RAD17: variants seen among roughly 807,000 people sequenced by gnomAD.
RAD17 encodes the protein cell cycle checkpoint protein RAD17.
Under a neutral mutation model 81.5 loss-of-function variants are expected in RAD17, and 31 were observed. The observed-to-expected ratio is 0.38, with a 90% CI of 0.29 to 0.51. The LOEUF (loss-of-function observed/expected upper bound fraction) is 0.51. Among genes scored for constraint, RAD17 ranks in the 20% least tolerant of loss-of-function variants. The pLI is 0.88. For synonymous variants in RAD17, 261 were observed against 266.2 expected, an observed-to-expected ratio of 0.98 and a Z score of 0.19; for missense variants, 681 against 781.2, an observed-to-expected ratio of 0.87 and a Z score of 1.53.
Position 69,396,482 on chromosome 5 carries a change from G to A in RAD17, c.1508G>A (p.Cys503Tyr). ...AACAAAGCCCGAGGATATGCTCATTGCCAAGGAGGAGGATCAAGTTTTCGA... is the reference window on the plus strand; with the variant it reads ...AACAAAGCCCGAGGATATGCTCATTACCAAGGAGGAGGATCAAGTTTTCGA... ...HSNKARGYAH[C>Y]QGGGSSFRPL... The change falls in exon 16 of 19, where the codon TGC becomes TAC. Residue 503 changes from cysteine to tyrosine, a missense_variant. Coordinates refer to ENST00000354868, the MANE Select transcript of RAD17 (RefSeq NM_133338.3). 1 of 1,612,650 alleles carries A rather than the reference G, an allele frequency of 6.2e-7. No homozygotes were observed. Among genetic ancestry groups the A allele is most frequent in the Non-Finnish European group, 8.5e-7 (1 of 1,179,642 alleles).
intron 15 of RAD17, among the ~76,000 whole-genome samples, chr5:69,395,532 G>A (rs1224943939): frequency 6.6e-6 from 1 of 151,974 alleles, no homozygotes; most frequent in Non-Finnish European, 1.5e-5. Context: ...ACAAAATAAC[G>A]AAAAGAGTAT....
At chr5:69,378,749 G>A (rs1457515808) in intron 6 of RAD17, among the ~76,000 whole-genome samples, 1 of 152,168 alleles carries the variant, frequency 6.6e-6, no homozygotes, top group Non-Finnish European at 1.5e-5. Flanking sequence ...TCTGGGAAAT[G>A]TGTCATTAGG....
Position 69,414,434 on chromosome 5 carries a change from A to C in RAD17, c.*142A>C. On this transcript the variant is annotated 3_prime_UTR_variant, in exon 19 of 19. Coordinates refer to ENST00000354868, the MANE Select transcript of RAD17 (RefSeq NM_133338.3). ...CATTCTTGTAGTATTTCATCACAAG[A>C]AACCTACTCTTCTGTCATCTTGAAG... The C allele has an allele frequency of 2.1e-6, 2 of 946,402 alleles. No homozygotes were observed. Among genetic ancestry groups the C allele is most frequent in the Non-Finnish European group, 3.1e-6 (2 of 646,704 alleles). 58.6% of individuals were successfully genotyped at this position (946,402 alleles called of 1,614,324 possible).
intron 11 of RAD17, among the ~76,000 whole-genome samples, 175 bp from the exon 12 acceptor site, chr5:69,388,859 C>G (rs1297506581): frequency 2.0e-5 from 3 of 152,148 alleles, no homozygotes; most frequent in African/African-American, 7.2e-5. Flanking sequence ...CCTCCTGCCT[C>G]AGTCTCCCAA....
chr5:69,403,973 T>C (rs1404594651), intron 17 of RAD17, among the ~76,000 whole-genome samples: 1 of 151,758 alleles, frequency 6.6e-6, no homozygotes, highest in Non-Finnish European at 1.5e-5. Context: ...TTTTGATAAG[T>C]TATATGGTAG....
At chr5:69,385,727 G>A (rs1378360242) in intron 8 of RAD17, among the ~76,000 whole-genome samples, 3 of 152,150 alleles carry the variant, frequency 2.0e-5, no homozygotes, top group Non-Finnish European at 4.4e-5. Flanking sequence ...AAACTTGAAT[G>A]GAATAGCTGT....
chr5:69,413,099 T>G (rs183739496), intron 18 of RAD17, among the ~76,000 whole-genome samples: 5 of 152,308 alleles, frequency 3.3e-5, no homozygotes, highest in African/African-American at 1.2e-4. Flanking sequence ...GTTGTCCATG[T>G]TTGTGCCCAT....
At chr5:69,374,132 G>A (rs1185860438) in intron 5 of RAD17, 45 bp downstream of exon 5, 8 of 1,497,840 alleles carry the variant, frequency 5.3e-6, no homozygotes, top group Non-Finnish European at 7.3e-6. Flanking sequence ...TAATTTCAGG[G>A]TGCATAAGGG....
chr5:69,374,806 C>A, intron 6 of RAD17, 95 bp downstream of exon 6: 3 of 1,082,984 alleles, frequency 2.8e-6, no homozygotes, highest in South Asian at 3.1e-5. Context: ...TGATTTTGTT[C>A]AAAATAAGTC....
At position 69,371,514 on chromosome 5, in the gene RAD17, TA is replaced by T; in HGVS notation, c.-217del. On this transcript the variant is annotated 5_prime_UTR_variant, in exon 3 of 19. The change creates a new upstream start codon in the 5' untranslated region. Transcript: ENST00000354868. The stretch of plus-strand genomic sequence containing the variant: ...TACGGATGGGAACTATTACAGTTTA[TA>T]ATGTCAAAAACTTTTCTTAGACCAA... 1 of 1,413,016 alleles carries T rather than the reference TA, an allele frequency of 7.1e-7. No individual in the cohort carries two copies. The highest frequency in any genetic ancestry group is 2.1e-5 in the Admixed American group (1 of 47,748). The allele number at this position is 1,413,016 out of a possible 1,614,324, so 87.5% of individuals were successfully genotyped here. A position where few individuals can be genotyped will look rare whatever the true frequency, so the allele number is the denominator to read the frequency against.
intron 11 of RAD17, among the ~76,000 whole-genome samples, chr5:69,387,860 A>C (rs1425468570): frequency 1.3e-5 from 2 of 151,788 alleles, no homozygotes; most frequent in African/African-American, 2.4e-5. Context: ...TCTGTATCCC[A>C]AAAAAAAGAA....
intron 6 of RAD17, among the ~76,000 whole-genome samples, chr5:69,377,624 C>CATATATATGTATACATATATATGCAT (rs1561240165): frequency 0.012 from 20 of 1,648 alleles, 2 homozygotes; most frequent in East Asian, 0.048. Flanking sequence ...CATATATATG[C>CATATATATGTATACATATATATGCAT]ATATATATGT....
intron 18 of RAD17, among the ~76,000 whole-genome samples, chr5:69,411,697 C>G (rs1021869774): frequency 4.6e-5 from 7 of 152,178 alleles, no homozygotes; most frequent in Non-Finnish European, 1.0e-4. Flanking sequence ...GGGATGTGAT[C>G]AGGGCTTACA....
intron 16 of RAD17, among the ~76,000 whole-genome samples, chr5:69,396,788 T>A (rs1764921984): frequency 6.6e-6 from 1 of 152,182 alleles, no homozygotes; most frequent in Non-Finnish European, 1.5e-5. Flanking sequence ...AAATATTAGT[T>A]CAGTTTTATT....
At chr5:69,375,636 T>G (rs888935493) in intron 6 of RAD17, among the ~76,000 whole-genome samples, 1 of 152,178 alleles carries the variant, frequency 6.6e-6, no homozygotes, top group African/African-American at 2.4e-5. Context: ...GTCTGTTTTT[T>G]TAAAAAAATG....
At chr5:69,384,287 T>C (rs1290647687) in intron 7 of RAD17, 1 of 152,692 alleles carries the variant, frequency 6.5e-6, no homozygotes, top group East Asian at 1.9e-4. Context: ...ATGAATGTTA[T>C]ACCGACAGCT....
intron 12 of RAD17, among the ~76,000 whole-genome samples, chr5:69,389,709 T>G (rs550824980): frequency 6.6e-6 from 1 of 152,202 alleles, no homozygotes; most frequent in African/African-American, 2.4e-5. Context: ...GGCATGATCT[T>G]GGCTCACTGC....
intron 6 of RAD17, among the ~76,000 whole-genome samples, chr5:69,375,358 C>G (rs1763270058): frequency 6.6e-6 from 1 of 152,070 alleles, no homozygotes; most frequent in South Asian, 2.1e-4. Flanking sequence ...CTAAATATAG[C>G]CAAAAACAGT....
chr5:69,380,199 A>G (rs562432088), intron 6 of RAD17, among the ~76,000 whole-genome samples: 1 of 152,238 alleles, frequency 6.6e-6, no homozygotes, highest in African/African-American at 2.4e-5. Context: ...TTTTTAAAAA[A>G]CAAGTAGATT....
Sources: gnomAD v4.1 joint callset for allele counts (sites outside exome capture counted in the v4.1 genomes callset) on GRCh38, gnomAD v4.1.1 for gene constraint, MANE v1.5 for transcripts, NCBI Gene and HGNC (gene_info 2026-07-23, HGNC 2026-07-21) for gene names.